Variants in REC8 observed in about 807,000 individuals in gnomAD.
The protein encoded by REC8 is meiotic recombination protein REC8 homolog.
A neutral mutation model predicts 78.3 loss-of-function variants in REC8; 42 were observed. That is an observed-to-expected ratio of 0.54 (90% CI 0.42 to 0.69). The LOEUF (loss-of-function observed/expected upper bound fraction) is 0.69, where lower values mean the gene tolerates loss of function less well. Ranked by LOEUF, REC8 falls within the 30% of genes least tolerant of loss-of-function variation. The probability of loss-of-function intolerance (pLI) is 0.00; values close to 1 mark genes in which losing one functional copy is unlikely to be tolerated. For missense variants in REC8, 581 were observed against 715.8 expected (o/e 0.81, Z 2.15); for synonymous variants, 268 against 274.1 (o/e 0.98, Z 0.22).
chr14:24,179,280 A>T, intron 15 of REC8, 117 bp from the exon 16 acceptor site: 1 of 1,258,156 alleles, frequency 7.9e-7, no homozygotes, highest in Non-Finnish European at 1.2e-6. Flanking sequence ...CAGCTCTCCC[A>T]CCTATGTGCT....
chr14:24,177,430 G>A (rs764214807), intron 9 of REC8, 35 bp from the exon 10 acceptor site: 6 of 1,614,132 alleles, frequency 3.7e-6, no homozygotes, highest in Non-Finnish European at 4.2e-6. Context: ...GTGCTGGGAA[G>A]GGTCTCCTCA....
intron 5 of REC8, 143 bp downstream of exon 5, chr14:24,173,554 G>A: frequency 6.7e-7 from 1 of 1,486,002 alleles, no homozygotes; most frequent in Non-Finnish European, 9.0e-7. Context: ...TGCCAAGGTG[G>A]ACCCATCCAG....
intron 5 of REC8, chr14:24,175,168 G>T: frequency 5.9e-6 from 1 of 168,426 alleles, no homozygotes; most frequent in Non-Finnish European, 1.3e-5. Context: ...ACCAAGCCCG[G>T]CTAATTTTTG....
intron 5 of REC8, 87 bp downstream of exon 5, chr14:24,173,498 G>A (rs946379950): frequency 6.4e-7 from 1 of 1,573,894 alleles, no homozygotes; most frequent in Non-Finnish European, 8.6e-7. Flanking sequence ...GGTTGGGGAA[G>A]GAAGCTTACC....
At chr14:24,176,797 G>A in intron 6 of REC8, 25 bp from the exon 7 acceptor site, 3 of 1,566,810 alleles carry the variant, frequency 1.9e-6, no homozygotes, top group South Asian at 2.2e-5. Flanking sequence ...AAGCAGAGAG[G>A]CTAGTGACTC....
Position 24,175,585 on chromosome 14 carries a change from G to C in REC8, c.505G>C (p.Glu169Gln), listed in dbSNP as rs758115019. 7 of 1,614,010 alleles carry C rather than the reference G, an allele frequency of 4.3e-6. No individual in the cohort carries two copies. In the Admixed American group the frequency reaches 5.0e-5, roughly 12 times the overall value. Residue 169 changes from glutamate (E) to glutamine (Q), a missense_variant, in exon 6 of 19, where the codon GAG becomes CAG. By Grantham distance (29) the Glu-to-Gln change is conservative (BLOSUM62 2). Coordinates refer to ENST00000611366, the MANE Select transcript of REC8 (RefSeq NM_001048205.2). ...LEAAIPERVE[E>Q]IPPEVPTEPR... Reference sequence around the variant, plus strand: ...GGCTGCAATCCCAGAGAGAGTTGAAGAGATCCCTCCTGAAGTTCCTACAGA... The same window carrying C: ...GGCTGCAATCCCAGAGAGAGTTGAACAGATCCCTCCTGAAGTTCCTACAGA...
rs767739537 is a variant in REC8, at chr14:24,173,400, G to T, written c.451G>T (p.Asp151Tyr). The T allele has an allele frequency of 6.2e-7, 1 of 1,614,054 alleles. No individual in the cohort carries two copies. The highest frequency in any genetic ancestry group is 1.3e-5 in the African/African-American group (1 of 75,020). The change falls in exon 5 of 19, where the codon GAT becomes TAT. Residue 151 changes from aspartate (D) to tyrosine (Y), a missense_variant. By Grantham distance (160) the Asp-to-Tyr change is radical. Coordinates refer to ENST00000611366, the MANE Select transcript of REC8 (RefSeq NM_001048205.2). ...SVDPRLPSPF[D>Y]IPQIRHLLEA... is the part of the protein sequence containing the mutation. ...GGATCCCAGACTTCCTAGTCCTTTC[G>T]ATATCCCTCAGGTAGGGCTCATTCC...
In REC8 at chr14:24,178,110, C is replaced by A. The variant is rs201938690; in HGVS notation, c.884C>A (p.Pro295Gln). 2.8e-5 allele frequency: 45 copies of A among 1,613,638 alleles called. No homozygotes were observed. The highest frequency in any genetic ancestry group is 5.3e-5 in the African/African-American group (4 of 75,024). The change falls in exon 12 of 19, where the codon CCA (proline) becomes CAA (glutamine). Residue 295 changes from proline to glutamine, a missense_variant. Coordinates refer to ENST00000611366, the MANE Select transcript of REC8 (RefSeq NM_001048205.2). ...PSPERRPPVP[P>Q]PPRRRRRRRL... is the part of the protein sequence containing the mutation. ...CAACAGAGGAGGCCCCCAGTCCCCC[C>A]ACCTCCTCGCCGCCGCCGTCGTCGC...
chr14:24,179,919 A>G lies in REC8; in HGVS notation c.1558+13A>G, dbSNP rs749034932. 7.4e-6 allele frequency: 12 copies of G among 1,612,170 alleles called. No individual in the cohort carries two copies. The highest frequency in any genetic ancestry group is 4.0e-5 in the African/African-American group (3 of 74,754). On this transcript the variant is annotated intron_variant, in intron 18 of 18. Transcript: ENST00000611366. ...TACCTGCTCCTGGGTGAGTGTATGCATGTGTGTGTGTGTATGTGGGGCAGG... is the reference window on the plus strand; with the variant it reads ...TACCTGCTCCTGGGTGAGTGTATGCGTGTGTGTGTGTGTATGTGGGGCAGG...
chr14:24,177,618 C>G, intron 10 of REC8, 77 bp downstream of exon 10: 1 of 1,577,008 alleles, frequency 6.3e-7, no homozygotes, highest in Non-Finnish European at 8.6e-7. Flanking sequence ...TATATCCCAA[C>G]TTGCTAAAGG....
In REC8 at chr14:24,172,167, G is replaced by T. The variant is rs1315241166; in HGVS notation, c.-386G>T. 8.9e-6 allele frequency: 2 copies of T among 223,560 alleles called. No homozygotes were observed. The highest frequency in any genetic ancestry group is 1.8e-5 in the Non-Finnish European group (2 of 113,066). 13.8% of individuals were successfully genotyped at this position (223,560 alleles called of 1,614,324 possible). On this transcript the variant is annotated 5_prime_UTR_variant, in exon 1 of 19. Coordinates refer to ENST00000611366, the MANE Select transcript of REC8 (RefSeq NM_001048205.2). ...GGGCCTGACATCGCTCCCAGCGCTC[G>T]AGGACCGAGGCCTGCTGTGGAGGAC... is the stretch of plus-strand genomic sequence containing the variant.
At position 24,173,160 on chromosome 14, in the gene REC8, T is replaced by C; in HGVS notation, c.303T>C (p.Arg101=). ...AGCACATCTTGGAGCGCCTCCACCG[T>C]GCCCAGCTGCAGATCCGAATAGATA... ...DIQHILERLH[R]AQLQIRIDME... is the part of the protein sequence containing the mutation. The change falls in exon 4 of 19, where the codon CGT becomes CGC. Residue 101 remains arginine, a synonymous_variant. Transcript: ENST00000611366. 1 of 1,614,196 alleles carries C rather than the reference T, an allele frequency of 6.2e-7. No homozygotes were observed. The highest frequency in any genetic ancestry group is 8.5e-7 in the Non-Finnish European group (1 of 1,180,036).
Position 24,177,097 on chromosome 14 carries a change from A to G in REC8, c.625-44A>G, listed in dbSNP as rs149221219. 1.9e-3 allele frequency: 2,970 copies of G among 1,591,680 alleles called. 39 individuals are homozygous for G. Among genetic ancestry groups the G allele is most frequent in the African/African-American group, 0.016 (1,194 of 74,416 alleles). ...TCCTGGATCCACTTGCCTTTTTCAG[A>G]AATATTATTGAATCCCCTCCCCTTG... On this transcript the variant is annotated intron_variant, in intron 7 of 18. Transcript: ENST00000611366.
chr14:24,180,094 G>A lies in REC8; in HGVS notation c.1643G>A (p.Ter548=). 6.2e-7 allele frequency: 1 copy of A among 1,614,176 alleles called. No homozygotes were observed. The highest frequency in any genetic ancestry group is 8.5e-7 in the Non-Finnish European group (1 of 1,180,040). ...ATCCAGCCGGGGCCCAGATTCCACTGAGGTTAGAGTCCATTTACAAAGCTG... is the reference window on the plus strand; with the variant it reads ...ATCCAGCCGGGGCCCAGATTCCACTAAGGTTAGAGTCCATTTACAAAGCTG... ...LLIQPGPRFH[*] is the part of the protein sequence containing the mutation. The change falls in exon 19 of 19, where the codon TGA becomes TAA. Residue 548 remains the stop codon, a stop_retained_variant. Coordinates refer to ENST00000611366, the MANE Select transcript of REC8 (RefSeq NM_001048205.2).
chr14:24,179,180 G>C, intron 15 of REC8, 47 bp downstream of exon 15: 1 of 1,486,322 alleles, frequency 6.7e-7, no homozygotes, highest in East Asian at 2.4e-5. Flanking sequence ...CCTAACCACT[G>C]TCCCAGGAAA....
chr14:24,175,159 C>T (rs1157296150), intron 5 of REC8, among the ~76,000 whole-genome samples: 1 of 151,840 alleles, frequency 6.6e-6, no homozygotes, highest in Admixed American at 6.6e-5. Context: ...GGCACTGCTA[C>T]CAAGCCCGGC....
intron 6 of REC8, among the ~76,000 whole-genome samples, chr14:24,176,088 A>G (rs918830758): frequency 2.7e-5 from 4 of 149,228 alleles, no homozygotes; most frequent in Non-Finnish European, 1.5e-5. Flanking sequence ...TTTTTGAGAG[A>G]TGGGGTATCA....
At position 24,177,723 on chromosome 14, in the gene REC8, G is replaced by C; in HGVS notation, c.829G>C (p.Glu277Gln). The change falls in exon 11 of 19, where the codon GAG (glutamate) becomes CAG (glutamine). Residue 277 changes from glutamate to glutamine, a missense_variant. By Grantham distance (29) the Glu-to-Gln change is conservative. Transcript: ENST00000611366. ...TGTTGTTGCAGAGGTGACCCCCCCG[G>C]AGGAGCTGCGTCTGCCAGCCCCACC... Reference protein sequence around the residue: ...GALLMEVTPPEELRLPAPPSP... With the variant: ...GALLMEVTPPQELRLPAPPSP... 1 of 1,611,514 alleles carries C rather than the reference G, an allele frequency of 6.2e-7. No individual in the cohort carries two copies. Among genetic ancestry groups the C allele is most frequent in the Admixed American group, 1.7e-5 (1 of 59,472 alleles).
chr14:24,175,690 A>AT, intron 6 of REC8, 66 bp downstream of exon 6: 1 of 1,287,312 alleles, frequency 7.8e-7, no homozygotes, highest in Admixed American at 1.9e-5. Context: ...AGAAATGACC[A>AT]TTTTTGAGCT....
Sources: gnomAD v4.1 joint callset for allele counts (sites outside exome capture counted in the v4.1 genomes callset) on GRCh38, gnomAD v4.1.1 for gene constraint, MANE v1.5 for transcripts, NCBI Gene and HGNC (gene_info 2026-07-23, HGNC 2026-07-21) for gene names.